PLCB4: variants seen among roughly 807,000 people sequenced by gnomAD.
The protein encoded by PLCB4 is 1-phosphatidylinositol 4,5-bisphosphate phosphodiesterase beta-4.
Under a neutral mutation model 178.8 loss-of-function variants are expected in PLCB4, and 77 were observed. That is an observed-to-expected ratio of 0.43 (90% CI 0.36 to 0.52). PLCB4 has a LOEUF of 0.52. PLCB4 is among the 20% of genes least tolerant of loss of function. The pLI, the probability that PLCB4 is intolerant of heterozygous loss-of-function variation, is 0.00. For synonymous variants in PLCB4, 496 were observed against 490.8 expected, an observed-to-expected ratio of 1.01 and a Z score of -0.14; for missense variants, 1,024 against 1,453.4, an observed-to-expected ratio of 0.70 and a Z score of 4.80.
chr20:9,138,850 T>C (rs1037593440), intron 2 of PLCB4, among the ~76,000 whole-genome samples: 3 of 152,144 alleles, frequency 2.0e-5, no homozygotes, highest in Non-Finnish European at 4.4e-5. Context: ...ACAACAGTTA[T>C]AGATGCAATG....
At chr20:9,476,312 C>T (rs899938022) in intron 38 of PLCB4, among the ~76,000 whole-genome samples, 4 of 152,094 alleles carry the variant, frequency 2.6e-5, no homozygotes, top group African/African-American at 7.2e-5. Context: ...TTCCCAGCTA[C>T]ACAGTATATC....
At chr20:9,297,160 C>CG (rs924051045) in intron 3 of PLCB4, among the ~76,000 whole-genome samples, 1 of 151,838 alleles carries the variant, frequency 6.6e-6, no homozygotes, top group African/African-American at 2.4e-5. Context: ...AGCCCGCACC[C>CG]CCCCCCACAC....
rs147680030 is a variant in PLCB4, at chr20:9,238,824, A to T, written c.-16+21372A>T. On this transcript the variant is annotated intron_variant, in intron 3 of 39. Coordinates refer to ENST00000378473, the MANE Select transcript of PLCB4 (RefSeq NM_001377142.1). ...TGTTGAATAATTATTCAGTTTGGAAAGTATAACATTTTAGATTTTTTAATA... is the reference window on the plus strand; with the variant it reads ...TGTTGAATAATTATTCAGTTTGGAATGTATAACATTTTAGATTTTTTAATA... 7.4e-3 allele frequency among the ~76,000 whole-genome samples: 1,123 copies of T among 152,324 alleles called. 17 individuals carry two copies. Among genetic ancestry groups the T allele is most frequent in the African/African-American group, 0.026 (1,080 of 41,572 alleles).
intron 27 of PLCB4, among the ~76,000 whole-genome samples, chr20:9,422,697 T>C (rs1487010583): frequency 6.6e-6 from 1 of 152,258 alleles, no homozygotes; most frequent in Non-Finnish European, 1.5e-5. Context: ...AAATCGTTTT[T>C]TTCATTGCTA....
At chr20:9,191,719 T>A (rs2093406848) in intron 2 of PLCB4, among the ~76,000 whole-genome samples, 1 of 152,120 alleles carries the variant, frequency 6.6e-6, no homozygotes. Context: ...GCTAGGGATC[T>A]ATAATACACA....
intron 3 of PLCB4, among the ~76,000 whole-genome samples, chr20:9,227,067 A>G (rs978296627): frequency 6.6e-6 from 1 of 151,644 alleles, no homozygotes; most frequent in African/African-American, 2.4e-5. Flanking sequence ...GACTGATGCT[A>G]TTGTTCACCT....
At chr20:9,457,328 C>G (rs2043116966) in intron 33 of PLCB4, 86 bp from the exon 34 acceptor site, 1 of 752,820 alleles carries the variant, frequency 1.3e-6, no homozygotes, top group Non-Finnish European at 2.4e-6. Flanking sequence ...AATATATTAT[C>G]TTCATCAGAA....
chr20:9,445,620 C>G lies in PLCB4; in HGVS notation c.2880+1377C>G, dbSNP rs572051857. Among the ~76,000 whole-genome samples, 15 of 152,278 alleles carry G rather than the reference C, an allele frequency of 9.9e-5. No individual in the cohort carries two copies. In the South Asian group the frequency reaches 2.9e-3, roughly 29 times the overall value. On this transcript the variant is annotated intron_variant, in intron 32 of 39. Coordinates refer to ENST00000378473, the MANE Select transcript of PLCB4 (RefSeq NM_001377142.1). ...TTCCCTGTATTACAGAACTGTTGGGCTCAATGGATTTGCTGATACAGTCAC... is the reference window on the plus strand; with the variant it reads ...TTCCCTGTATTACAGAACTGTTGGGGTCAATGGATTTGCTGATACAGTCAC...
intron 4 of PLCB4, among the ~76,000 whole-genome samples, chr20:9,316,773 A>G (rs1244084037): frequency 6.6e-6 from 1 of 152,206 alleles, no homozygotes; most frequent in East Asian, 1.9e-4. Context: ...CAAAGCAGCA[A>G]AAACTAAGAT....
intron 2 of PLCB4, among the ~76,000 whole-genome samples, chr20:9,098,763 G>GTGTGTGTGTA (rs1283771888): frequency 8.2e-4 from 121 of 146,836 alleles, no homozygotes; most frequent in East Asian, 4.0e-3. Flanking sequence ...GTGTGTGTGT[G>GTGTGTGTGTA]TATATATATA....
intron 3 of PLCB4, among the ~76,000 whole-genome samples, chr20:9,275,440 G>A (rs549350587): frequency 2.0e-5 from 3 of 152,116 alleles, no homozygotes; most frequent in Non-Finnish European, 4.4e-5. Context: ...TTATGAAACA[G>A]CATTACCTGG....
chr20:9,183,111 G>T (rs1348760462), intron 2 of PLCB4, among the ~76,000 whole-genome samples: 1 of 152,050 alleles, frequency 6.6e-6, no homozygotes, highest in East Asian at 1.9e-4. Flanking sequence ...GGAGGATGTT[G>T]TCCAAACATA....
chr20:9,360,717 G>A (rs961279666), intron 7 of PLCB4, among the ~76,000 whole-genome samples: 1 of 152,166 alleles, frequency 6.6e-6, no homozygotes, highest in African/African-American at 2.4e-5. Context: ...TTCTGCTGAT[G>A]AAAAATAATT....
At position 9,338,956 on chromosome 20, in the gene PLCB4, G is replaced by A; in HGVS notation, c.288G>A (p.Arg96=). 1 of 1,613,470 alleles carries A rather than the reference G, an allele frequency of 6.2e-7. No homozygotes were observed. The highest frequency in any genetic ancestry group is 1.1e-5 in the South Asian group (1 of 91,076). ...VGKSENDLEG[R]IVCVCSGTDL... is the part of the protein sequence containing the mutation. The stretch of plus-strand genomic sequence containing the variant: ...AATCAGAAAATGATCTGGAAGGGCG[G>A]ATAGTTTGTGTCTGCAGTGGCACAG... The change falls in exon 7 of 40, where the codon CGG becomes CGA. Residue 96 remains arginine (R), a synonymous_variant. Coordinates refer to ENST00000378473, the MANE Select transcript of PLCB4 (RefSeq NM_001377142.1).
rs751656841 is a variant in PLCB4, at chr20:9,408,070, G to A, written c.1789+12G>A. 2 of 1,594,988 alleles carry A rather than the reference G, an allele frequency of 1.3e-6. No individual in the cohort carries two copies. The highest frequency in any genetic ancestry group is 1.7e-6 in the Non-Finnish European group (2 of 1,173,512). ...CCATGTGGCAGAAGGTAACACCAAA[G>A]GTTAAATGCAGTCGCCTTTTTTGCT... On this transcript the variant is annotated intron_variant, in intron 22 of 39. Coordinates refer to ENST00000378473, the MANE Select transcript of PLCB4 (RefSeq NM_001377142.1).
chr20:9,315,875 G>A (rs937906311), intron 4 of PLCB4, among the ~76,000 whole-genome samples: 3 of 151,988 alleles, frequency 2.0e-5, no homozygotes, highest in Non-Finnish European at 4.4e-5. Flanking sequence ...AGAGGTTGCG[G>A]TGAGCTGAAA....
intron 2 of PLCB4, among the ~76,000 whole-genome samples, chr20:9,111,815 CAT>C (rs1320848610): frequency 2.0e-5 from 3 of 152,170 alleles, no homozygotes; most frequent in African/African-American, 4.8e-5. Flanking sequence ...TCTCATAAAA[CAT>C]AGGGATTTTC....
intron 7 of PLCB4, among the ~76,000 whole-genome samples, chr20:9,348,902 G>C (rs898644698): frequency 1.3e-5 from 2 of 152,136 alleles, no homozygotes; most frequent in Non-Finnish European, 2.9e-5. Context: ...GTTCTCTGCA[G>C]CTGCACTGAC....
At chr20:9,166,149 G>A (rs1018868493) in intron 2 of PLCB4, among the ~76,000 whole-genome samples, 6 of 152,244 alleles carry the variant, frequency 3.9e-5, no homozygotes, top group African/African-American at 1.4e-4. Flanking sequence ...TGGGCAATCA[G>A]TTGTGCCTTT....
Sources: allele counts gnomAD v4.1 joint callset (sites outside exome capture counted in the v4.1 genomes callset), GRCh38; gene constraint gnomAD v4.1.1; transcripts MANE v1.5; gene names NCBI Gene and HGNC (gene_info 2026-07-23, HGNC 2026-07-21).